The following FSTL5 variants were observed in gnomAD, a reference collection of about 807,000 sequenced individuals.
FSTL5 encodes the protein follistatin like 5.
A neutral mutation model predicts 89.1 loss-of-function variants in FSTL5; 62 were observed. The observed-to-expected ratio is 0.70, with a 90% CI of 0.57 to 0.86. The LOEUF (loss-of-function observed/expected upper bound fraction) is 0.86. Among genes scored for constraint, FSTL5 ranks in the 40% least tolerant of loss-of-function variants. The pLI is 0.00. For synonymous variants in FSTL5, 383 were observed against 346.2 expected (o/e 1.11, Z -1.18); for missense variants, 1,057 against 1,001.6 (o/e 1.06, Z -0.75).
At chr4:161,525,330 C>T (rs1578898675) in intron 10 of FSTL5, among the ~76,000 whole-genome samples, 6 of 152,224 alleles carry the variant, frequency 3.9e-5, no homozygotes, top group Admixed American at 3.9e-4. Flanking sequence ...ACCCATTGTT[C>T]TCTGCAGAAC....
intron 6 of FSTL5, among the ~76,000 whole-genome samples, chr4:161,716,855 A>C (rs1739003517): frequency 1.3e-5 from 2 of 152,184 alleles, no homozygotes; most frequent in South Asian, 4.1e-4. Flanking sequence ...ATGATTGCTG[A>C]AGTCTAGAAA....
intron 15 of FSTL5, among the ~76,000 whole-genome samples, chr4:161,411,231 A>T (rs1487764665): frequency 1.3e-5 from 2 of 152,216 alleles, no homozygotes; most frequent in East Asian, 3.8e-4. Flanking sequence ...TGACCAGATG[A>T]TTCACAGCCA....
intron 7 of FSTL5, among the ~76,000 whole-genome samples, chr4:161,628,502 T>C (rs924981249): frequency 5.9e-5 from 9 of 152,094 alleles, no homozygotes; most frequent in African/African-American, 1.9e-4. Flanking sequence ...AAAATTAATA[T>C]ATATAACATA....
chr4:161,655,937 T>C (rs533564178), intron 7 of FSTL5, among the ~76,000 whole-genome samples: 1 of 152,312 alleles, frequency 6.6e-6, no homozygotes, highest in South Asian at 2.1e-4. Flanking sequence ...ATTTTTCCTT[T>C]TACAAAATTG....
intron 4 of FSTL5, among the ~76,000 whole-genome samples, chr4:161,808,158 A>T (rs1245232349): frequency 1.3e-5 from 2 of 152,214 alleles, no homozygotes; most frequent in Non-Finnish European, 2.9e-5. Context: ...AAAGATTGTG[A>T]GAAAATTTAA....
intron 7 of FSTL5, among the ~76,000 whole-genome samples, chr4:161,601,494 A>G (rs955629176): frequency 2.0e-5 from 3 of 152,144 alleles, no homozygotes; most frequent in African/African-American, 7.2e-5. Flanking sequence ...TCTGCTCAAC[A>G]GGCTTAGAGC....
intron 1 of FSTL5, among the ~76,000 whole-genome samples, chr4:162,136,604 T>C (rs1037677820): frequency 1.3e-5 from 2 of 152,034 alleles, no homozygotes; most frequent in Non-Finnish European, 2.9e-5. Context: ...TGTGAATCCA[T>C]GCCAAAAATC....
At chr4:161,898,195 A>G (rs1733231289) in intron 4 of FSTL5, among the ~76,000 whole-genome samples, 1 of 149,258 alleles carries the variant, frequency 6.7e-6, no homozygotes, top group Admixed American at 6.7e-5. Flanking sequence ...ATTTTAAAAT[A>G]CTAATTTATC....
intron 6 of FSTL5, among the ~76,000 whole-genome samples, chr4:161,722,148 GT>G (rs1739241095): frequency 1.3e-5 from 2 of 152,124 alleles, no homozygotes; most frequent in African/African-American, 4.8e-5. Flanking sequence ...TCTGGGATTA[GT>G]TCCCAGAAAT....
chr4:161,665,575 T>A (rs998385556), intron 6 of FSTL5, among the ~76,000 whole-genome samples: 4 of 152,244 alleles, frequency 2.6e-5, no homozygotes, highest in African/African-American at 9.6e-5. Flanking sequence ...AGATACAGCC[T>A]GCCTATATGG....
chr4:161,798,975 T>C (rs987022101), intron 4 of FSTL5, among the ~76,000 whole-genome samples: 1 of 151,682 alleles, frequency 6.6e-6, no homozygotes, highest in Non-Finnish European at 1.5e-5. Flanking sequence ...AGTAAAGCCC[T>C]ACTGAAAGAT....
intron 3 of FSTL5, among the ~76,000 whole-genome samples, chr4:162,007,057 T>C (rs945281508): frequency 6.6e-6 from 1 of 151,912 alleles, no homozygotes; most frequent in Non-Finnish European, 1.5e-5. Context: ...GGTGGGTCTA[T>C]TAATCTGTGA....
intron 2 of FSTL5, among the ~76,000 whole-genome samples, chr4:162,052,721 G>A (rs12649057): frequency 0.053 from 8,026 of 151,756 alleles, 379 homozygotes; most frequent in East Asian, 0.23. Flanking sequence ...AAGCAAACGC[G>A]TGTGACAAAA....
intron 7 of FSTL5, among the ~76,000 whole-genome samples, chr4:161,654,707 T>C (rs1736456805): frequency 6.6e-6 from 1 of 152,106 alleles, no homozygotes; most frequent in Non-Finnish European, 1.5e-5. Context: ...AGGGGTTCTG[T>C]ATGAAGCAGC....
intron 6 of FSTL5, among the ~76,000 whole-genome samples, chr4:161,754,893 G>A (rs1381670116): frequency 6.6e-6 from 1 of 151,998 alleles, no homozygotes; most frequent in African/African-American, 2.4e-5. Context: ...AATTTGAATT[G>A]GAAGACAATG....
chr4:161,673,118 C>T (rs1343930490), intron 6 of FSTL5, among the ~76,000 whole-genome samples: 1 of 151,970 alleles, frequency 6.6e-6, no homozygotes, highest in Non-Finnish European at 1.5e-5. Flanking sequence ...GGGAAAAATG[C>T]TCTGTACGTT....
At chr4:162,065,078 T>C (rs1217739634) in intron 2 of FSTL5, among the ~76,000 whole-genome samples, 1 of 152,014 alleles carries the variant, frequency 6.6e-6, no homozygotes, top group African/African-American at 2.4e-5. Flanking sequence ...TAGGCCCATG[T>C]CTTACACTAT....
chr4:161,985,101 C>T (rs562111221), intron 3 of FSTL5, among the ~76,000 whole-genome samples: 39 of 152,004 alleles, frequency 2.6e-4, no homozygotes, highest in Non-Finnish European at 4.0e-4. Flanking sequence ...AGATTACAGG[C>T]GTGTGCCACC....
At chr4:161,900,481 A>G (rs1560906598) in intron 4 of FSTL5, among the ~76,000 whole-genome samples, 1 of 151,446 alleles carries the variant, frequency 6.6e-6, no homozygotes, top group African/African-American at 2.4e-5. Context: ...TCTACTAAAA[A>G]CACAAAAATT....
Sources: gnomAD v4.1 joint callset for allele counts (sites outside exome capture counted in the v4.1 genomes callset) on GRCh38, gnomAD v4.1.1 for gene constraint, MANE v1.5 for transcripts, NCBI Gene and HGNC (gene_info 2026-07-23, HGNC 2026-07-21) for gene names.